SERPING1: variants seen among roughly 807,000 people sequenced by gnomAD.
SERPING1 encodes serpin family G member 1.
SERPING1 carries 5 observed loss-of-function variants against 34.1 expected under a neutral mutation model. The observed-to-expected ratio is 0.15, with a 90% CI of 0.08 to 0.31. The LOEUF is 0.31. Ranked by LOEUF, SERPING1 falls within the 10% of genes least tolerant of loss-of-function variation. The pLI is 1.00. For synonymous variants in SERPING1, 225 were observed against 242.4 expected, an observed-to-expected ratio of 0.93 and a Z score of 0.67; for missense variants, 505 against 609.5, an observed-to-expected ratio of 0.83 and a Z score of 1.81.
intron 4 of SERPING1, chr11:57,605,583 T>C (rs796267310): frequency 3.2e-3 from 87 of 27,496 alleles, no homozygotes; most frequent in African/African-American, 7.0e-3. Context: ...TTTCAAGTGC[T>C]TTTTTTTTTT....
At chr11:57,598,067 A>G in intron 1 of SERPING1, 182 bp from the exon 2 acceptor site, 1 of 570,360 alleles carries the variant, frequency 1.8e-6, no homozygotes, top group Non-Finnish European at 3.2e-6. Context: ...GGGAAAGGGA[A>G]GCGGTTTGGG....
intron 4 of SERPING1, among the ~76,000 whole-genome samples, chr11:57,602,768 A>C (rs1208929657): frequency 9.3e-6 from 1 of 107,522 alleles, no homozygotes; most frequent in Non-Finnish European, 1.9e-5. Flanking sequence ...AAAAAAAACA[A>C]AAACAAAACA....
intron 6 of SERPING1, among the ~76,000 whole-genome samples, chr11:57,609,878 C>T (rs1159068446): frequency 6.6e-6 from 1 of 152,166 alleles, no homozygotes; most frequent in Non-Finnish European, 1.5e-5. Context: ...GCAGTCCTCC[C>T]ACCCTAGCCT....
Position 57,614,683 on chromosome 11 carries a change from C to T in SERPING1, c.*102C>T. The T allele has an allele frequency of 7.2e-7, 1 of 1,379,410 alleles. No individual in the cohort carries two copies. Among genetic ancestry groups the T allele is most frequent in the East Asian group, 2.5e-5 (1 of 40,554 alleles). The allele number at this position is 1,379,410 out of a possible 1,614,324, so 85.4% of individuals were successfully genotyped here. A position where few individuals can be genotyped will look rare whatever the true frequency, so the allele number is the denominator to read the frequency against. On this transcript the variant is annotated 3_prime_UTR_variant, in exon 8 of 8. Transcript: ENST00000278407. ...TGGACTTGGCCCCTGCCACCTCCTG[C>T]CTCAGGTGTCCGCTATCCACCAAAA... is the stretch of plus-strand genomic sequence containing the variant.
intron 3 of SERPING1, among the ~76,000 whole-genome samples, chr11:57,601,201 C>A (rs571044955): frequency 6.6e-6 from 1 of 152,064 alleles, no homozygotes; most frequent in South Asian, 2.1e-4. Context: ...GAGTTCGAGA[C>A]CAGCCTGACT....
At chr11:57,611,575 A>G (rs1470644219) in intron 6 of SERPING1, 142 bp from the exon 7 acceptor site, 1 of 824,136 alleles carries the variant, frequency 1.2e-6, no homozygotes, top group African/African-American at 1.7e-5. Flanking sequence ...ATTTCATGGT[A>G]AAGCCTGGAA....
At chr11:57,598,379 G>C (rs554852233) in intron 2 of SERPING1, 58 bp downstream of exon 2, 1 of 1,508,848 alleles carries the variant, frequency 6.6e-7, no homozygotes, top group East Asian at 2.4e-5. Flanking sequence ...GGGATGGTGC[G>C]GGGTGCGGGC....
At chr11:57,614,295 T>C (rs2135327781) in intron 7 of SERPING1, 33 bp from the exon 8 acceptor site, 1 of 1,611,234 alleles carries the variant, frequency 6.2e-7, no homozygotes, top group African/African-American at 1.3e-5. Flanking sequence ...TCATGCTGGC[T>C]TCTGACTCTG....
At chr11:57,605,133 A>G (rs147026573) in intron 4 of SERPING1, among the ~76,000 whole-genome samples, 56 of 152,278 alleles carry the variant, frequency 3.7e-4, no homozygotes, top group Non-Finnish European at 6.5e-4. Flanking sequence ...TTTATTACTT[A>G]CAAAGCTGTA....
intron 6 of SERPING1, among the ~76,000 whole-genome samples, chr11:57,609,515 G>T (rs1239716491): frequency 6.6e-6 from 1 of 152,080 alleles, no homozygotes; most frequent in East Asian, 1.9e-4. Flanking sequence ...GGGAGGCGAA[G>T]GTTGCAGTGA....
At chr11:57,608,817 T>C (rs1246095056) in intron 6 of SERPING1, among the ~76,000 whole-genome samples, 1 of 86,078 alleles carries the variant, frequency 1.2e-5, no homozygotes, top group Admixed American at 1.1e-4. Context: ...CCAGCCTGAG[T>C]TTTTTTTTTT....
At chr11:57,609,508 A>C (rs1945455121) in intron 6 of SERPING1, among the ~76,000 whole-genome samples, 1 of 152,030 alleles carries the variant, frequency 6.6e-6, no homozygotes, top group African/African-American at 2.4e-5. Flanking sequence ...TGAACCCGGG[A>C]GGCGAAGGTT....
Position 57,600,225 on chromosome 11 carries a change from TGG to T in SERPING1, c.399_400del (p.His136PhefsTer120). 6.2e-7 allele frequency: 1 copy of T among 1,614,136 alleles called. No individual in the cohort carries two copies. The highest frequency in any genetic ancestry group is 8.5e-7 in the Non-Finnish European group (1 of 1,180,022). On this transcript the variant is annotated frameshift_variant, in exon 3 of 8. Transcript: ENST00000278407. LOFTEE classifies it high-confidence loss of function. Reference sequence around the variant, plus strand: ...GGACCTGTTACTCTCTGCTCTGACTTGGAGAGTCATTCAACAGAGGCCGTGTT... The same window carrying T: ...GGACCTGTTACTCTCTGCTCTGACTTAGAGTCATTCAACAGAGGCCGTGTT...
At chr11:57,608,858 G>A (rs1269089304) in intron 6 of SERPING1, among the ~76,000 whole-genome samples, 1 of 147,138 alleles carries the variant, frequency 6.8e-6, no homozygotes, top group Non-Finnish European at 1.5e-5. Flanking sequence ...GAGTAGTTTT[G>A]TGCACAAAAG....
chr11:57,604,438 G>T lies in SERPING1; in HGVS notation c.686-1572G>T, dbSNP rs28362949. ...TTTGCAAAGCTGTTTCTGGAGTCAT[G>T]GTGGGAGTGGGGTGTGGGGAGCCTG... On this transcript the variant is annotated intron_variant, in intron 4 of 7. Transcript: ENST00000278407. Among the ~76,000 whole-genome samples, 31,580 of 151,764 alleles carry T rather than the reference G, an allele frequency of 0.21. 3,701 individuals are homozygous for T. The highest frequency in any genetic ancestry group is 0.27 in the Non-Finnish European group (18,330 of 67,840).
rs537654979 is a variant in SERPING1, at chr11:57,603,695, C to T, written c.685+1526C>T. On this transcript the variant is annotated intron_variant, in intron 4 of 7. Coordinates refer to ENST00000278407, the MANE Select transcript of SERPING1 (RefSeq NM_000062.3). ...CTGCCAAAAAAATACAAAACTTAGC[C>T]GGGCATGGTGGCAGGCGCCTGTGGT... Among the ~76,000 whole-genome samples the T allele has an allele frequency of 2.7e-3, 406 of 151,042 alleles. 5 individuals carry two copies. Among genetic ancestry groups the T allele is most frequent in the African/African-American group, 9.1e-3 (376 of 41,102 alleles).
rs1945477818 is a variant in SERPING1, at chr11:57,611,708, A to G, written c.1030-9A>G. On this transcript the variant is annotated splice_polypyrimidine_tract_variant and intron_variant, in intron 6 of 7. Transcript: ENST00000278407. ...GGAAGACTGTTAAGATGCATCTCTT[A>G]TTTTCTAGGTGGGGCAGCTGCAGCT... 1.2e-6 allele frequency: 2 copies of G among 1,613,558 alleles called. No individual in the cohort carries two copies. The highest frequency in any genetic ancestry group is 1.3e-5 in the African/African-American group (1 of 74,914).
At chr11:57,599,306 A>T (rs1945321504) in intron 2 of SERPING1, among the ~76,000 whole-genome samples, 1 of 152,028 alleles carries the variant, frequency 6.6e-6, no homozygotes, top group South Asian at 2.1e-4. Context: ...ATCCCCTGGG[A>T]GTCAAAATTG....
Position 57,606,063 on chromosome 11 carries a change from A to T in SERPING1, c.739A>T (p.Ser247Cys), listed in dbSNP as rs1311975943. Residue 247 changes from serine (S) to cysteine (C), a missense_variant, in exon 5 of 8, where the codon AGC becomes TGC. By Grantham distance (112) the Ser-to-Cys change is moderately radical (BLOSUM62 -1). Coordinates refer to ENST00000278407, the MANE Select transcript of SERPING1 (RefSeq NM_000062.3). ...TGCCTCTCGGACCCTGTACAGCAGCAGCCCCAGAGTCCTAAGCAACAACAG... is the reference window on the plus strand; with the variant it reads ...TGCCTCTCGGACCCTGTACAGCAGCTGCCCCAGAGTCCTAAGCAACAACAG... ...VNASRTLYSS[S>C]PRVLSNNSDA... is the part of the protein sequence containing the mutation. 1 of 1,614,038 alleles carries T rather than the reference A, an allele frequency of 6.2e-7. No individual in the cohort carries two copies. Among genetic ancestry groups the T allele is most frequent in the East Asian group, 2.2e-5 (1 of 44,896 alleles).
Sources: gnomAD v4.1 joint callset for allele counts (sites outside exome capture counted in the v4.1 genomes callset) on GRCh38, gnomAD v4.1.1 for gene constraint, MANE v1.5 for transcripts, NCBI Gene and HGNC (gene_info 2026-07-23, HGNC 2026-07-21) for gene names.